Variants in FOCAD observed in about 807,000 individuals in gnomAD.
FOCAD encodes the protein KIAA1797.
Under a neutral mutation model 225.6 loss-of-function variants are expected in FOCAD, and 198 were observed. The ratio of observed to expected loss-of-function variants is 0.88; its 90% CI spans 0.78 to 0.99. The LOEUF (loss-of-function observed/expected upper bound fraction) is 0.99. FOCAD is among the 50% of genes least tolerant of loss of function. The pLI, the probability that FOCAD is intolerant of heterozygous loss-of-function variation, is 0.00. For synonymous variants in FOCAD, 897 were observed against 755.0 expected (o/e 1.19, Z -3.08); for missense variants, 2,713 against 2,123.6 (o/e 1.28, Z -5.46).
intron 21 of FOCAD, among the ~76,000 whole-genome samples, chr9:20,901,614 A>G (rs938912252): frequency 6.6e-6 from 1 of 151,900 alleles, no homozygotes; most frequent in Non-Finnish European, 1.5e-5. Context: ...AACTAACTAG[A>G]TGGATATGTA....
At chr9:20,728,797 G>A (rs1480379676) in intron 4 of FOCAD, among the ~76,000 whole-genome samples, 1 of 152,178 alleles carries the variant, frequency 6.6e-6, no homozygotes, top group Non-Finnish European at 1.5e-5. Context: ...ACCAGTTACA[G>A]AAATCCACTT....
At chr9:20,699,370 A>T (rs1823648362) in intron 1 of FOCAD, among the ~76,000 whole-genome samples, 1 of 152,126 alleles carries the variant, frequency 6.6e-6, no homozygotes, top group South Asian at 2.1e-4. Flanking sequence ...TACTTAAAAC[A>T]GAGTGTTGAA....
chr9:20,935,669 G>C (rs887224271), intron 28 of FOCAD, among the ~76,000 whole-genome samples: 1 of 152,184 alleles, frequency 6.6e-6, no homozygotes, highest in Non-Finnish European at 1.5e-5. Context: ...AAAGTGCTGG[G>C]ATTACAGGCG....
intron 38 of FOCAD, 28 bp downstream of exon 38, chr9:20,981,714 G>GT: frequency 6.3e-7 from 1 of 1,586,388 alleles, no homozygotes; most frequent in African/African-American, 1.4e-5. Context: ...TTACATTCCT[G>GT]ACAATTTATG....
intron 28 of FOCAD, among the ~76,000 whole-genome samples, chr9:20,944,090 A>G (rs765166571): frequency 1.6e-4 from 24 of 152,234 alleles, no homozygotes; most frequent in Non-Finnish European, 2.9e-4. Context: ...CAGTTTCTTT[A>G]GGAAAGAAAT....
chr9:20,841,775 A>T, intron 15 of FOCAD, among the ~76,000 whole-genome samples: 1 of 148,678 alleles, frequency 6.7e-6, no homozygotes, highest in Non-Finnish European at 1.5e-5. Flanking sequence ...CATCTTTGTT[A>T]TTTCTTTTCT....
chr9:20,764,916 T>C lies in FOCAD; in HGVS notation c.542T>C (p.Leu181Pro). ...IQIMAPFLWY[L>P]YCEPSQLQEY... The stretch of plus-strand genomic sequence containing the variant: ...ATAATGGCACCATTTCTGTGGTATC[T>C]GTATTGTGAACCATCTCAGTTACAA... Residue 181 changes from leucine to proline, a missense_variant, in exon 7 of 44, where the codon CTG becomes CCG. Coordinates refer to ENST00000338382, the MANE Select transcript of FOCAD (RefSeq NM_001375567.1). The C allele has an allele frequency of 6.2e-7, 1 of 1,614,168 alleles. No homozygotes were observed. Among genetic ancestry groups the C allele is most frequent in the Non-Finnish European group, 8.5e-7 (1 of 1,180,022 alleles).
At chr9:20,756,838 A>G (rs1829098003) in intron 5 of FOCAD, among the ~76,000 whole-genome samples, 1 of 152,342 alleles carries the variant, frequency 6.6e-6, no homozygotes, top group South Asian at 2.1e-4. Context: ...CTGGAGATAT[A>G]TTAAAATTAA....
At chr9:20,723,053 G>A (rs1427311784) in intron 4 of FOCAD, among the ~76,000 whole-genome samples, 4 of 152,196 alleles carry the variant, frequency 2.6e-5, no homozygotes, top group Non-Finnish European at 5.9e-5. Flanking sequence ...TTATGCTGGT[G>A]TGAGGTATCA....
chr9:20,763,327 C>G (rs1365590375), intron 6 of FOCAD, among the ~76,000 whole-genome samples: 1 of 152,066 alleles, frequency 6.6e-6, no homozygotes, highest in Non-Finnish European at 1.5e-5. Flanking sequence ...GTAATAATAA[C>G]AGCTTGTAAT....
intron 8 of FOCAD, among the ~76,000 whole-genome samples, chr9:20,775,756 C>G (rs1472132202): frequency 6.6e-6 from 1 of 152,142 alleles, no homozygotes; most frequent in Non-Finnish European, 1.5e-5. Flanking sequence ...TTTCATTTGA[C>G]TTGAGGACAA....
chr9:20,947,913 C>T (rs1360065930), intron 30 of FOCAD, among the ~76,000 whole-genome samples: 1 of 151,926 alleles, frequency 6.6e-6, no homozygotes, highest in Non-Finnish European at 1.5e-5. Flanking sequence ...TTATGGGATG[C>T]TTTCTTTTTG....
chr9:20,689,749 A>G (rs991578062), intron 1 of FOCAD, among the ~76,000 whole-genome samples: 1 of 152,236 alleles, frequency 6.6e-6, no homozygotes, highest in Non-Finnish European at 1.5e-5. Flanking sequence ...TCTCTGAAGC[A>G]TATGGCTAGC....
intron 43 of FOCAD, among the ~76,000 whole-genome samples, chr9:20,994,830 G>C (rs930674695): frequency 6.6e-6 from 1 of 152,042 alleles, no homozygotes; most frequent in African/African-American, 2.4e-5. Context: ...GCAATCATTC[G>C]GGCCAAGGAA....
Position 20,946,713 on chromosome 9 carries a change from A to T in FOCAD, c.3568A>T (p.Thr1190Ser). Residue 1190 changes from threonine to serine, a missense_variant, in exon 30 of 44, where the codon ACA (threonine) becomes TCA (serine). Coordinates refer to ENST00000338382, the MANE Select transcript of FOCAD (RefSeq NM_001375567.1). Reference protein sequence around the residue: ...SRTFQEVLAYTLSCVCTSAFS... With the variant: ...SRTFQEVLAYSLSCVCTSAFS... ...ATTTTCTTCTCAGGTCCTTGCCTAC[A>T]CACTTAGCTGTGTATGTACATCAGC... 6.2e-7 allele frequency: 1 copy of T among 1,612,064 alleles called. No homozygotes were observed. Among genetic ancestry groups the T allele is most frequent in the Non-Finnish European group, 8.5e-7 (1 of 1,179,128 alleles).
intron 4 of FOCAD, among the ~76,000 whole-genome samples, chr9:20,721,600 A>G (rs1825770431): frequency 6.6e-6 from 1 of 151,828 alleles, no homozygotes; most frequent in Non-Finnish European, 1.5e-5. Context: ...TACTCAGGAG[A>G]CTAAGGCGTG....
chr9:20,929,358 A>C lies in FOCAD; in HGVS notation c.3079A>C (p.Lys1027Gln). 1 of 1,613,382 alleles carries C rather than the reference A, an allele frequency of 6.2e-7. No individual in the cohort carries two copies. The highest frequency in any genetic ancestry group is 8.5e-7 in the Non-Finnish European group (1 of 1,179,344). ...RGQLLSWFYY[K>Q]SYSGENTASA... ...GTTTTCTTTCTTTGGCATGTCCTAG[A>C]AGTCCTATTCTGGTGAAAACACAGC... The change falls in exon 27 of 44, where the codon AAG becomes CAG. Residue 1027 changes from lysine (K) to glutamine (Q), a missense_variant and splice_region_variant. By Grantham distance (53) the Lys-to-Gln change is moderately conservative. Coordinates refer to ENST00000338382, the MANE Select transcript of FOCAD (RefSeq NM_001375567.1).
chr9:20,798,783 C>G (rs948908412), intron 11 of FOCAD, among the ~76,000 whole-genome samples: 9 of 152,108 alleles, frequency 5.9e-5, no homozygotes, highest in African/African-American at 1.9e-4. Flanking sequence ...TTTTGTTGAT[C>G]TTTTCAAAAA....
chr9:20,781,545 A>T (rs921390755), intron 9 of FOCAD, among the ~76,000 whole-genome samples, 182 bp from the exon 10 acceptor site: 2 of 152,256 alleles, frequency 1.3e-5, no homozygotes, highest in African/African-American at 2.4e-5. Flanking sequence ...CTTATTTTAT[A>T]TAATAGTTTA....
Sources: allele counts gnomAD v4.1 joint callset (sites outside exome capture counted in the v4.1 genomes callset), GRCh38; gene constraint gnomAD v4.1.1; transcripts MANE v1.5; gene names NCBI Gene and HGNC (gene_info 2026-07-23, HGNC 2026-07-21).